The following LINGO2 variants were observed in gnomAD, a reference collection of about 807,000 sequenced individuals.
LINGO2 encodes leucine-rich repeat and immunoglobulin-like domain-containing nogo receptor-interacting protein 2.
In LINGO2, 14 loss-of-function variants were observed where a neutral mutation model predicts 30.6. The observed-to-expected ratio is 0.46, with a 90% CI of 0.30 to 0.72. The LOEUF is 0.72. Ranked by LOEUF, LINGO2 falls within the 30% of genes least tolerant of loss-of-function variation. LINGO2 has a pLI of 0.07. For synonymous variants in LINGO2, 317 were observed against 288.5 expected (o/e 1.10, Z -1.00); for missense variants, 729 against 751.7 (o/e 0.97, Z 0.35).
the LINGO2 span, among the ~76,000 whole-genome samples, chr9:29,097,105 A>T: frequency 7.2e-6 from 1 of 138,976 alleles, no homozygotes; most frequent in African/African-American, 2.7e-5. Flanking sequence ...TTCATATTTT[A>T]AAATATGTAT....
At chr9:28,330,036 G>A (rs1825365536) in intron 3 of LINGO2, among the ~76,000 whole-genome samples, 1 of 152,122 alleles carries the variant, frequency 6.6e-6, no homozygotes, top group South Asian at 2.1e-4. Context: ...AGTGTTTGGA[G>A]ATGAGGTCTT....
chr9:29,138,086 G>A, the LINGO2 span, among the ~76,000 whole-genome samples: 25 of 151,636 alleles, frequency 1.6e-4, no homozygotes, highest in East Asian at 2.9e-3. Flanking sequence ...AGCCAATTAC[G>A]GATTATACTA....
intron 4 of LINGO2, among the ~76,000 whole-genome samples, chr9:28,226,480 G>C (rs1023178658): frequency 1.5e-4 from 23 of 151,834 alleles, no homozygotes; most frequent in African/African-American, 5.6e-4. Flanking sequence ...TTACCAGGTA[G>C]AGTCTTTCTT....
the LINGO2 span, among the ~76,000 whole-genome samples, chr9:29,139,960 G>A: frequency 2.6e-5 from 4 of 151,722 alleles, no homozygotes; most frequent in Non-Finnish European, 2.9e-5. Flanking sequence ...AAGAGATTAC[G>A]AGTTCTTGAA....
At chr9:28,153,413 C>T (rs1828051592) in intron 4 of LINGO2, among the ~76,000 whole-genome samples, 1 of 152,000 alleles carries the variant, frequency 6.6e-6, no homozygotes, top group South Asian at 2.1e-4. Flanking sequence ...TATATACAGA[C>T]CTTGTCTAGA....
chr9:28,357,758 G>T (rs1438489807), intron 3 of LINGO2, among the ~76,000 whole-genome samples: 1 of 152,090 alleles, frequency 6.6e-6, no homozygotes, highest in Non-Finnish European at 1.5e-5. Flanking sequence ...TTCTGTTAAA[G>T]TTTTTATAAA....
In LINGO2 at chr9:28,091,380, G is replaced by A. The variant is rs566957443; in HGVS notation, c.-86-78975C>T. Among the ~76,000 whole-genome samples the A allele has an allele frequency of 7.3e-5, 11 of 149,988 alleles. No homozygotes were observed. The South Asian group carries it at 2.3e-3, about 31-fold the overall frequency. ...ACCAAAACAGAGATGTAGACCAATG[G>A]AACAGAAATAATACCACACATCTAC... On this transcript the variant is annotated intron_variant, in intron 4 of 5. Transcript: ENST00000379992.
the LINGO2 span, among the ~76,000 whole-genome samples, chr9:29,057,894 A>G: frequency 2.6e-5 from 4 of 152,150 alleles, no homozygotes; most frequent in African/African-American, 9.7e-5. Context: ...GGCCACGCCT[A>G]AAGAACGCTA....
At chr9:28,911,181 T>C in the LINGO2 span, among the ~76,000 whole-genome samples, 1 of 152,054 alleles carries the variant, frequency 6.6e-6, no homozygotes, top group South Asian at 2.1e-4. Flanking sequence ...AGGTAAAGCA[T>C]ATAAGAGGTA....
intron 5 of LINGO2, among the ~76,000 whole-genome samples, chr9:27,960,778 T>C (rs2118568453): frequency 6.6e-6 from 1 of 152,210 alleles, no homozygotes. Flanking sequence ...GTTATTGATA[T>C]GGTTGCATTT....
chr9:28,539,501 T>TAA (rs914544168), intron 1 of LINGO2, among the ~76,000 whole-genome samples: 159 of 144,076 alleles, frequency 1.1e-3, no homozygotes, highest in Admixed American at 6.3e-3. Context: ...TTTAGCAAAA[T>TAA]AAAAAAAAAA....
At chr9:29,147,871 C>T in the LINGO2 span, among the ~76,000 whole-genome samples, 3 of 152,050 alleles carry the variant, frequency 2.0e-5, no homozygotes, top group East Asian at 3.9e-4. Context: ...TTCCAGTAAA[C>T]AAAATAAGGT....
intron 5 of LINGO2, among the ~76,000 whole-genome samples, chr9:27,973,234 TTAAA>T (rs1205239438): frequency 3.9e-5 from 6 of 152,182 alleles, no homozygotes; most frequent in African/African-American, 1.4e-4. Context: ...AACAGACACT[TTAAA>T]TAAATGTCAT....
chr9:28,832,313 T>C, the LINGO2 span, among the ~76,000 whole-genome samples: 1 of 152,206 alleles, frequency 6.6e-6, no homozygotes, highest in Non-Finnish European at 1.5e-5. Flanking sequence ...GATGACAGTT[T>C]TATTTTCCTA....
rs564116376 is a variant in LINGO2, at chr9:28,515,408, G to A, written c.-364-39383C>T. On this transcript the variant is annotated intron_variant, in intron 1 of 5. Coordinates refer to ENST00000379992, the Ensembl canonical transcript of LINGO2. The stretch of plus-strand genomic sequence containing the variant: ...TTTTTAGTAGAGACGAGGTTTCACC[G>A]TGTTAGCCAGGATGCTCTCTATCTC... 3.3e-5 allele frequency among the ~76,000 whole-genome samples: 5 copies of A among 152,104 alleles called. No homozygotes were observed. The South Asian group carries it at 8.3e-4, about 25-fold the overall frequency.
At position 28,367,024 on chromosome 9, in the gene LINGO2, C is replaced by G. The variant is rs181958487; in HGVS notation, c.-246+5812G>C. Among the ~76,000 whole-genome samples the G allele has an allele frequency of 2.1e-4, 31 of 150,624 alleles. No homozygotes were observed. In the East Asian group the frequency reaches 5.8e-3, roughly 28 times the overall value. On this transcript the variant is annotated intron_variant, in intron 3 of 5. Transcript: ENST00000379992. ...TCATCGATTTCCCACATGGAATATA[C>G]AGATTTAGCTTCTTAAAACTGCCCA... is the stretch of plus-strand genomic sequence containing the variant.
chr9:28,423,363 A>C (rs577321022), intron 2 of LINGO2, among the ~76,000 whole-genome samples: 18 of 152,262 alleles, frequency 1.2e-4, no homozygotes, highest in African/African-American at 4.1e-4. Context: ...AAAATTAAAC[A>C]GTAAACGATT....
intron 3 of LINGO2, among the ~76,000 whole-genome samples, chr9:28,351,035 C>G (rs886438312): frequency 6.6e-6 from 1 of 152,002 alleles, no homozygotes; most frequent in African/African-American, 2.4e-5. Flanking sequence ...TAAATGCCCA[C>G]AAGAGAAAGC....
At chr9:28,827,445 T>C in the LINGO2 span, among the ~76,000 whole-genome samples, 2 of 152,348 alleles carry the variant, frequency 1.3e-5, no homozygotes, top group South Asian at 4.1e-4. Flanking sequence ...GCAAGTTATT[T>C]AATCGCTCTA....
Sources: gnomAD v4.1 joint callset for allele counts (sites outside exome capture counted in the v4.1 genomes callset) on GRCh38, gnomAD v4.1.1 for gene constraint, MANE v1.5 for transcripts, NCBI Gene and HGNC (gene_info 2026-07-23, HGNC 2026-07-21) for gene names.